P3H2: variants seen among roughly 807,000 people sequenced by gnomAD.
P3H2 encodes the protein leprecan-like 1.
P3H2 carries 80 observed loss-of-function variants against 87.0 expected under a neutral mutation model. The observed-to-expected ratio is 0.92, with a 90% CI of 0.77 to 1.11. P3H2 has a LOEUF of 1.11. Ranked by LOEUF, P3H2 falls within the 50% of genes least tolerant of loss-of-function variation. The probability of loss-of-function intolerance (pLI) is 0.00; values close to 1 mark genes in which losing one functional copy is unlikely to be tolerated. For synonymous variants in P3H2, 367 were observed against 359.3 expected (o/e 1.02, Z -0.24); for missense variants, 1,001 against 923.9 (o/e 1.08, Z -1.08).
Position 190,096,612 on chromosome 3 carries a change from G to T in P3H2, c.480+23640C>A, listed in dbSNP as rs186336649. On this transcript the variant is annotated intron_variant, in intron 1 of 14. Coordinates refer to ENST00000319332, the MANE Select transcript of P3H2 (RefSeq NM_018192.4). ...CTTAAGAAAGAAAGAGAAGCATGTA[G>T]CTTTCACTTCAGATGAAAAAAGCTT... Among the ~76,000 whole-genome samples, 417 of 152,284 alleles carry T rather than the reference G, an allele frequency of 2.7e-3. 1 individual carries two copies. Among genetic ancestry groups the T allele is most frequent in the African/African-American group, 9.8e-3 (406 of 41,558 alleles).
At chr3:189,979,447 A>G (rs1723456807) in intron 8 of P3H2, among the ~76,000 whole-genome samples, 1 of 151,978 alleles carries the variant, frequency 6.6e-6, no homozygotes, top group African/African-American at 2.4e-5. Flanking sequence ...AAAAAAGAAG[A>G]ACTTTTTATG....
rs1474240576 is a variant in P3H2, at chr3:189,974,655, A to C, written c.1355T>G (p.Phe452Cys). Reference protein sequence around the residue: ...GGPLLYENITFVYNSEQLNGT... With the variant: ...GGPLLYENITCVYNSEQLNGT... ...GTTCAGCTGCTCCGAGTTGTAGACG[A>C]ATGTGATGTTCTCATAGAGTAGAGG... The change falls in exon 9 of 15, where the codon TTC (phenylalanine) becomes TGC (cysteine). Residue 452 changes from phenylalanine to cysteine, a missense_variant. Transcript: ENST00000319332. 6.2e-7 allele frequency: 1 copy of C among 1,614,196 alleles called. No homozygotes were observed. The highest frequency in any genetic ancestry group is 8.5e-7 in the Non-Finnish European group (1 of 1,180,034).
chr3:190,074,930 ACTT>A (rs1560389779), intron 1 of P3H2, among the ~76,000 whole-genome samples: 2 of 152,200 alleles, frequency 1.3e-5, no homozygotes, highest in African/African-American at 4.8e-5. Flanking sequence ...TCTTTTTGAA[ACTT>A]CTTCTCTTAG....
At chr3:190,014,792 C>T (rs1237821939) in intron 1 of P3H2, among the ~76,000 whole-genome samples, 1 of 152,036 alleles carries the variant, frequency 6.6e-6, no homozygotes, top group Non-Finnish European at 1.5e-5. Context: ...TTCCATACTC[C>T]CCGGCTGGTG....
chr3:189,957,679 T>C lies in P3H2; in HGVS notation c.*233A>G. On this transcript the variant is annotated 3_prime_UTR_variant, in exon 15 of 15. Transcript: ENST00000319332. Reference sequence around the variant, plus strand: ...CCACTGCCCTATATCCTAGACAACATGGTTAGACCATGTCTCTAAGAAGAG... The same window carrying C: ...CCACTGCCCTATATCCTAGACAACACGGTTAGACCATGTCTCTAAGAAGAG... 1.8e-6 allele frequency: 1 copy of C among 555,202 alleles called. No homozygotes were observed. The highest frequency in any genetic ancestry group is 3.2e-6 in the Non-Finnish European group (1 of 313,518). 34.4% of individuals were successfully genotyped at this position (555,202 alleles called of 1,614,324 possible).
At chr3:190,007,856 G>T (rs1156553907) in intron 1 of P3H2, among the ~76,000 whole-genome samples, 1 of 148,522 alleles carries the variant, frequency 6.7e-6, no homozygotes, top group Admixed American at 6.7e-5. Context: ...TGTGTAAATG[G>T]GACACTGTAT....
intron 14 of P3H2, among the ~76,000 whole-genome samples, chr3:189,960,769 A>C (rs568507099): frequency 6.6e-6 from 1 of 152,348 alleles, no homozygotes; most frequent in East Asian, 1.9e-4. Flanking sequence ...AAGTTAAATA[A>C]ATAACTATTT....
rs2108908334 is a variant in P3H2, at chr3:189,971,925, C to T, written c.1782G>A (p.Trp594Ter). 1 of 1,613,082 alleles carries T rather than the reference C, an allele frequency of 6.2e-7. No individual in the cohort carries two copies. Among genetic ancestry groups the T allele is most frequent in the Non-Finnish European group, 8.5e-7 (1 of 1,179,080 alleles). Residue 594 changes from tryptophan (W) to a stop codon, truncating the protein, a stop_gained, in exon 12 of 15, where the codon TGG (tryptophan) becomes TGA (stop). Coordinates refer to ENST00000319332, the MANE Select transcript of P3H2 (RefSeq NM_018192.4). LOFTEE classifies it high-confidence loss of function. The part of the protein sequence containing the change: ...CLLDPEANEC[W>*]KEPPAYTFRD... ...GAAATGTGTAAGCAGGAGGCTCCTT[C>T]CAGCATTCGTTGGCCTCTGGATCCA...
intron 8 of P3H2, among the ~76,000 whole-genome samples, chr3:189,982,057 C>T (rs1484464369): frequency 6.6e-6 from 1 of 152,136 alleles, no homozygotes; most frequent in Non-Finnish European, 1.5e-5. Context: ...TACAGCTTCC[C>T]AATGCAGCAC....
At chr3:189,974,203 C>A in intron 9 of P3H2, 199 bp from the exon 10 acceptor site, 1 of 605,136 alleles carries the variant, frequency 1.7e-6, no homozygotes, top group South Asian at 2.1e-5. Context: ...TTTTTATTAT[C>A]AAATACTGTC....
At chr3:189,958,406 G>A (rs1326090000) in intron 14 of P3H2, among the ~76,000 whole-genome samples, 2 of 152,122 alleles carry the variant, frequency 1.3e-5, no homozygotes, top group Admixed American at 6.5e-5. Context: ...GCCCGACCAT[G>A]GTTTCCTGCA....
chr3:190,113,258 G>A (rs1305340961), intron 1 of P3H2, among the ~76,000 whole-genome samples: 1 of 152,192 alleles, frequency 6.6e-6, no homozygotes, highest in African/African-American at 2.4e-5. Context: ...TTGATTTGTT[G>A]TAGAATCTGT....
intron 7 of P3H2, among the ~76,000 whole-genome samples, chr3:189,983,837 A>G (rs929814848): frequency 2.0e-5 from 3 of 152,170 alleles, no homozygotes; most frequent in Non-Finnish European, 2.9e-5. Context: ...AAGCTGGACC[A>G]TGTGATCTCA....
At chr3:190,045,499 T>G (rs1725771152) in intron 1 of P3H2, among the ~76,000 whole-genome samples, 1 of 152,118 alleles carries the variant, frequency 6.6e-6, no homozygotes, top group African/African-American at 2.4e-5. Flanking sequence ...TATATCCTAG[T>G]TCTAAGTATG....
intron 8 of P3H2, among the ~76,000 whole-genome samples, chr3:189,976,946 C>T (rs1723367679): frequency 1.3e-5 from 2 of 152,104 alleles, no homozygotes; most frequent in Non-Finnish European, 1.5e-5. Context: ...TGGGAAAGTA[C>T]TGGGTTAAAT....
rs144480463 is a variant in P3H2 at position 190,085,651 on chromosome 3, CTTTG to C, written c.480+34597_480+34600del. Among the ~76,000 whole-genome samples the C allele has an allele frequency of 9.8e-3, 1,498 of 152,240 alleles. 22 individuals carry two copies. The highest frequency in any genetic ancestry group is 0.034 in the African/African-American group (1,423 of 41,536). On this transcript the variant is annotated intron_variant, in intron 1 of 14. Transcript: ENST00000319332. ...TGCTCAATAACAACTACTTCTAACC[CTTTG>C]TTTGAGACAGATTAGAAAACCTAGA...
intron 1 of P3H2, among the ~76,000 whole-genome samples, chr3:190,119,606 C>T (rs933373341): frequency 2.0e-5 from 3 of 152,150 alleles, no homozygotes; most frequent in Non-Finnish European, 2.9e-5. Flanking sequence ...AACGTAAGCC[C>T]TCTATCAAAG....
intron 1 of P3H2, among the ~76,000 whole-genome samples, chr3:190,036,845 T>C (rs1005951858): frequency 6.6e-6 from 1 of 152,150 alleles, no homozygotes; most frequent in Non-Finnish European, 1.5e-5. Context: ...GTACATGAGA[T>C]ACTTACACTG....
chr3:190,089,978 T>C (rs1378460928), intron 1 of P3H2, among the ~76,000 whole-genome samples: 3 of 152,150 alleles, frequency 2.0e-5, no homozygotes, highest in Non-Finnish European at 4.4e-5. Context: ...AGAGTCTCAG[T>C]GGTCAGTGAG....
Sources: gnomAD v4.1 joint callset for allele counts (sites outside exome capture counted in the v4.1 genomes callset) on GRCh38, gnomAD v4.1.1 for gene constraint, MANE v1.5 for transcripts, NCBI Gene and HGNC (gene_info 2026-07-23, HGNC 2026-07-21) for gene names.